CTNNA3: variants seen among roughly 807,000 people sequenced by gnomAD.
The protein encoded by CTNNA3 is catenin alpha-3.
In CTNNA3, 76 loss-of-function variants were observed where a neutral mutation model predicts 95.7. The observed-to-expected ratio is 0.79, with a 90% CI of 0.66 to 0.96. The LOEUF (loss-of-function observed/expected upper bound fraction) is 0.96, where lower values mean the gene tolerates loss of function less well. CTNNA3 is among the 40% of genes least tolerant of loss of function. CTNNA3 has a pLI of 0.00. For missense variants in CTNNA3, 1,191 were observed against 1,089.8 expected (o/e 1.09, Z -1.31); for synonymous variants, 431 against 374.4 (o/e 1.15, Z -1.74).
intron 13 of CTNNA3, chr10:66,118,363 A>G (rs1326142133): frequency 6.6e-6 from 1 of 152,198 alleles, no homozygotes; most frequent in African/African-American, 2.4e-5. Context: ...AACCTACTCA[A>G]GCTATCTCTT....
chr10:67,286,734 C>G (rs748256613), intron 5 of CTNNA3, among the ~76,000 whole-genome samples: 13 of 152,170 alleles, frequency 8.5e-5, no homozygotes, highest in Non-Finnish European at 1.6e-4. Context: ...CTTCATGATA[C>G]AAGTTTTCAT....
At chr10:66,535,926 C>T (rs1841636107) in intron 10 of CTNNA3, among the ~76,000 whole-genome samples, 1 of 152,022 alleles carries the variant, frequency 6.6e-6, no homozygotes, top group African/African-American at 2.4e-5. Context: ...AAATAAAGAA[C>T]ACAAAATATA....
intron 7 of CTNNA3, among the ~76,000 whole-genome samples, chr10:66,955,677 T>A (rs1848751871): frequency 6.6e-6 from 1 of 152,178 alleles, no homozygotes; most frequent in Non-Finnish European, 1.5e-5. Context: ...AGAGCAAGAC[T>A]GAGGCCACCT....
intron 5 of CTNNA3, among the ~76,000 whole-genome samples, chr10:67,371,222 A>T (rs1006542041): frequency 6.6e-6 from 1 of 150,798 alleles, no homozygotes; most frequent in Non-Finnish European, 1.5e-5. Context: ...TTTTCTTTTT[A>T]TATATACATA....
chr10:67,517,217 A>G (rs1839844147), intron 5 of CTNNA3, among the ~76,000 whole-genome samples: 2 of 152,128 alleles, frequency 1.3e-5, no homozygotes, highest in African/African-American at 4.8e-5. Context: ...ATTCCCAACA[A>G]TGTGCAAAGG....
chr10:67,427,427 T>C (rs748933057), intron 5 of CTNNA3, among the ~76,000 whole-genome samples: 4 of 152,064 alleles, frequency 2.6e-5, no homozygotes, highest in Non-Finnish European at 2.9e-5. Context: ...TTTGATATCA[T>C]TAAATAGCAA....
chr10:66,785,505 T>C (rs1311200115), intron 7 of CTNNA3, among the ~76,000 whole-genome samples: 1 of 152,194 alleles, frequency 6.6e-6, no homozygotes, highest in Non-Finnish European at 1.5e-5. Flanking sequence ...CATCTTCTCC[T>C]GCCCTCAGAG....
At chr10:66,533,102 T>C (rs2132054797) in intron 10 of CTNNA3, among the ~76,000 whole-genome samples, 1 of 152,282 alleles carries the variant, frequency 6.6e-6, no homozygotes, top group East Asian at 1.9e-4. Context: ...CCTCCTCTTT[T>C]ATCATAGGAT....
At chr10:67,598,366 T>C (rs1463992138) in intron 3 of CTNNA3, among the ~76,000 whole-genome samples, 1 of 152,004 alleles carries the variant, frequency 6.6e-6, no homozygotes, top group African/African-American at 2.4e-5. Context: ...ACTCATCCCT[T>C]CCCTGGGAGC....
At chr10:67,426,255 C>A (rs561935211) in intron 5 of CTNNA3, among the ~76,000 whole-genome samples, 9 of 152,018 alleles carry the variant, frequency 5.9e-5, no homozygotes, top group Non-Finnish European at 1.2e-4. Context: ...ACTTTTGAAG[C>A]AAAGAAATGG....
At chr10:66,749,462 G>A (rs1362040321) in intron 9 of CTNNA3, among the ~76,000 whole-genome samples, 1 of 152,064 alleles carries the variant, frequency 6.6e-6, no homozygotes, top group East Asian at 1.9e-4. Context: ...GAATCAGATA[G>A]GATGTATCCT....
chr10:66,064,818 G>A (rs993189907), intron 15 of CTNNA3, among the ~76,000 whole-genome samples: 1 of 152,052 alleles, frequency 6.6e-6, no homozygotes, highest in African/African-American at 2.4e-5. Context: ...TTACTTCCCT[G>A]CTTTTTGTTC....
At chr10:66,810,729 T>C (rs1035922293) in intron 7 of CTNNA3, among the ~76,000 whole-genome samples, 2 of 152,172 alleles carry the variant, frequency 1.3e-5, no homozygotes, top group Admixed American at 1.3e-4. Flanking sequence ...TAGCATGCCC[T>C]CCACATTCAT....
Position 67,646,199 on chromosome 10 carries a change from T to C in CTNNA3, c.99+1216A>G, listed in dbSNP as rs892610279. Among the ~76,000 whole-genome samples the C allele has an allele frequency of 7.9e-5, 12 of 151,156 alleles. No individual in the cohort carries two copies. In the East Asian group the frequency reaches 2.1e-3, roughly 27 times the overall value. ...GGGTTTTTCTTTCTTTTTTTTTTTT[T>C]TTAAACAGGGTCTCACTATGTTGCC... On this transcript the variant is annotated intron_variant, in intron 2 of 17. Transcript: ENST00000433211.
At chr10:67,347,153 G>A (rs567817770) in intron 5 of CTNNA3, among the ~76,000 whole-genome samples, 11 of 151,570 alleles carry the variant, frequency 7.3e-5, no homozygotes, top group African/African-American at 1.7e-4. Flanking sequence ...AGGCTCAAGC[G>A]ATTCTCTAGC....
chr10:66,239,711 C>T (rs1200941289), intron 13 of CTNNA3, among the ~76,000 whole-genome samples: 2 of 151,880 alleles, frequency 1.3e-5, no homozygotes, highest in Admixed American at 6.6e-5. Flanking sequence ...GGCATTGATA[C>T]TGGTTTGTTG....
intron 10 of CTNNA3, among the ~76,000 whole-genome samples, chr10:66,549,341 C>T (rs1842143355): frequency 6.6e-6 from 1 of 152,146 alleles, no homozygotes; most frequent in Non-Finnish European, 1.5e-5. Context: ...GTGAAATCAT[C>T]ACCACTATGA....
At chr10:67,256,773 T>C (rs1224012065) in intron 5 of CTNNA3, among the ~76,000 whole-genome samples, 1 of 151,966 alleles carries the variant, frequency 6.6e-6, no homozygotes, top group African/African-American at 2.4e-5. Context: ...TCATTTAAGA[T>C]CAAAAAGGGA....
chr10:67,074,283 G>GC (rs1315377548), intron 7 of CTNNA3, among the ~76,000 whole-genome samples: 3 of 148,118 alleles, frequency 2.0e-5, no homozygotes, highest in Admixed American at 6.7e-5. Context: ...GCCCGCCTTG[G>GC]CCCCCCAAAG....
Sources: gnomAD v4.1 joint callset for allele counts (sites outside exome capture counted in the v4.1 genomes callset) on GRCh38, gnomAD v4.1.1 for gene constraint, MANE v1.5 for transcripts, NCBI Gene and HGNC (gene_info 2026-07-23, HGNC 2026-07-21) for gene names.